Variants in CTNNA2 observed in about 807,000 individuals in gnomAD.
The protein encoded by CTNNA2 is catenin alpha 2.
In CTNNA2, 42 loss-of-function variants were observed where a neutral mutation model predicts 101.0. The observed-to-expected ratio is 0.42, with a 90% confidence interval of 0.32 to 0.54. The LOEUF (loss-of-function observed/expected upper bound fraction) is 0.54. CTNNA2 is among the 20% of genes least tolerant of loss of function. CTNNA2 has a pLI of 0.14. For synonymous variants in CTNNA2, 450 were observed against 456.4 expected (o/e 0.99, Z 0.18); for missense variants, 871 against 1,223.1 (o/e 0.71, Z 4.29).
At chr2:79,289,528 G>A (rs566706883) in intron 2 of CTNNA2, among the ~76,000 whole-genome samples, 11 of 152,032 alleles carry the variant, frequency 7.2e-5, no homozygotes, top group Non-Finnish European at 1.2e-4. Context: ...TTGGGAGGCC[G>A]AGGCGGGTGT....
At chr2:79,394,319 A>C (rs1054505930) in intron 4 of CTNNA2, among the ~76,000 whole-genome samples, 1 of 152,186 alleles carries the variant, frequency 6.6e-6, no homozygotes, top group Non-Finnish European at 1.5e-5. Flanking sequence ...AGCTGCTTAG[A>C]CTGTATATTG....
intron 4 of CTNNA2, among the ~76,000 whole-genome samples, chr2:79,427,163 G>A (rs931961941): frequency 6.6e-6 from 1 of 151,944 alleles, no homozygotes. Flanking sequence ...ACAACACAAT[G>A]TCATATCATG....
intron 18 of CTNNA2, among the ~76,000 whole-genome samples, chr2:80,643,666 T>A (rs1014034604): frequency 1.3e-5 from 2 of 152,110 alleles, no homozygotes; most frequent in African/African-American, 4.8e-5. Context: ...ATTTTAAAAC[T>A]AGCAAGACTG....
At chr2:80,484,289 G>A (rs1686377647) in intron 9 of CTNNA2, among the ~76,000 whole-genome samples, 1 of 152,098 alleles carries the variant, frequency 6.6e-6, no homozygotes, top group Non-Finnish European at 1.5e-5. Context: ...CAGACATGTA[G>A]CAGATGTTCC....
chr2:79,325,231 C>T lies in CTNNA2; in HGVS notation c.-318+12435C>T, dbSNP rs541651043. Reference sequence around the variant, plus strand: ...GGGGGGAAAACCAAGTTTGATTTATCCCCAAAGCTTCCTAAGGCTCAGATC... The same window carrying T: ...GGGGGGAAAACCAAGTTTGATTTATTCCCAAAGCTTCCTAAGGCTCAGATC... On this transcript the variant is annotated intron_variant, in intron 3 of 21. Coordinates refer to the CTNNA2 transcript ENST00000466387. Among the ~76,000 whole-genome samples the T allele has an allele frequency of 2.0e-5, 3 of 152,228 alleles. No individual in the cohort carries two copies. In the East Asian group the frequency reaches 5.8e-4, roughly 29 times the overall value.
intron 9 of CTNNA2, among the ~76,000 whole-genome samples, chr2:80,427,874 A>G (rs1318241422): frequency 6.6e-6 from 1 of 152,254 alleles, no homozygotes; most frequent in Non-Finnish European, 1.5e-5. Context: ...CCATGAACAA[A>G]TCAGAGGAAG....
intron 4 of CTNNA2, among the ~76,000 whole-genome samples, chr2:79,486,982 G>T (rs1165776087): frequency 6.6e-6 from 1 of 152,148 alleles, no homozygotes; most frequent in Non-Finnish European, 1.5e-5. Context: ...TACACAGAAA[G>T]AATACATGTA....
At chr2:79,322,200 T>C (rs188114886) in intron 3 of CTNNA2, among the ~76,000 whole-genome samples, 84 of 152,272 alleles carry the variant, frequency 5.5e-4, no homozygotes, top group Non-Finnish European at 1.6e-4. Context: ...ACTAAGATAA[T>C]TGTCATCAAC....
At chr2:79,545,716 A>T (rs894594593) in intron 1 of CTNNA2, among the ~76,000 whole-genome samples, 4 of 152,174 alleles carry the variant, frequency 2.6e-5, no homozygotes, top group African/African-American at 4.8e-5. Context: ...CAGGTTGATA[A>T]CTCTCGATTT....
At chr2:79,697,185 A>C (rs903378468) in intron 2 of CTNNA2, among the ~76,000 whole-genome samples, 3 of 152,028 alleles carry the variant, frequency 2.0e-5, no homozygotes, top group African/African-American at 7.2e-5. Context: ...TAATTTTAAA[A>C]ATCCAAAATC....
At chr2:79,893,990 TTTCTTCTTCTTCTTC>T (rs60336887) in intron 6 of CTNNA2, among the ~76,000 whole-genome samples, 3,467 of 114,842 alleles carry the variant, frequency 0.03, 87 homozygotes, top group Non-Finnish European at 0.039. Context: ...CTTAGGCTGT[TTTCTTCTTCTTCTTC>T]TTCTTCTTCT....
intron 1 of CTNNA2, among the ~76,000 whole-genome samples, chr2:79,525,192 C>T (rs527399124): frequency 1.3e-5 from 2 of 151,900 alleles, no homozygotes; most frequent in Non-Finnish European, 2.9e-5. Context: ...GATACAATAG[C>T]CAGTACAGCA....
chr2:79,208,002 G>C (rs1183646085), intron 2 of CTNNA2, among the ~76,000 whole-genome samples: 2 of 152,156 alleles, frequency 1.3e-5, no homozygotes, highest in Middle Eastern at 3.4e-3. Context: ...TCTGTGTTCT[G>C]GGAAATGGTT....
chr2:80,535,703 C>T (rs902054742), intron 9 of CTNNA2, among the ~76,000 whole-genome samples: 5 of 152,152 alleles, frequency 3.3e-5, no homozygotes, highest in Non-Finnish European at 7.4e-5. Flanking sequence ...CTCCTGTCCC[C>T]CAGTGTACTT....
rs1429807279 is a variant in CTNNA2 at position 79,921,803 on chromosome 2, G to A, written c.1056+12006G>A. Among the ~76,000 whole-genome samples the A allele has an allele frequency of 4.6e-5, 7 of 152,254 alleles. No individual in the cohort carries two copies. In the South Asian group the frequency reaches 1.0e-3, roughly 23 times the overall value. ...CATTTACACCTTGAATTGAGCTTTC[G>A]TTCTAGGTTCTTTTGGTGACTATTG... On this transcript the variant is annotated intron_variant, in intron 7 of 18. Coordinates refer to ENST00000402739, the MANE Select transcript of CTNNA2 (RefSeq NM_001282597.3).
chr2:80,264,894 T>G (rs1307171463), intron 7 of CTNNA2, among the ~76,000 whole-genome samples: 2 of 151,934 alleles, frequency 1.3e-5, no homozygotes, highest in South Asian at 4.1e-4. Flanking sequence ...GATTAGAGAT[T>G]AGGAAGGATC....
In CTNNA2 at chr2:79,962,224, A is replaced by C. The variant is rs1041917122; in HGVS notation, c.1056+52427A>C. Among the ~76,000 whole-genome samples, 5 of 152,372 alleles carry C rather than the reference A, an allele frequency of 3.3e-5. No individual in the cohort carries two copies. The South Asian group carries it at 1.0e-3, about 32-fold the overall frequency. On this transcript the variant is annotated intron_variant, in intron 7 of 18. Transcript: ENST00000402739. ...CACAGATCTGGAGGCTGGGAATTCC[A>C]AGATCAAGACACTGGCAGATTTGGA...
upstream of CTNNA2, among the ~76,000 whole-genome samples, chr2:79,509,510 G>C (rs1179144702): frequency 6.6e-6 from 1 of 152,128 alleles, no homozygotes; most frequent in Non-Finnish European, 1.5e-5. Flanking sequence ...AATCTGAAAA[G>C]GCTACATATT....
chr2:79,219,624 C>T (rs1674316379), intron 2 of CTNNA2, among the ~76,000 whole-genome samples: 1 of 152,128 alleles, frequency 6.6e-6, no homozygotes, highest in African/African-American at 2.4e-5. Flanking sequence ...AACCAAAGTG[C>T]ATTTACACCT....
Sources: allele counts gnomAD v4.1 joint callset (sites outside exome capture counted in the v4.1 genomes callset), GRCh38; gene constraint gnomAD v4.1.1; transcripts MANE v1.5; gene names NCBI Gene and HGNC (gene_info 2026-07-23, HGNC 2026-07-21).